FADS2: variants seen among roughly 807,000 people sequenced by gnomAD.
FADS2 encodes fatty acid desaturase 2, also known as acyl-CoA 6-desaturase.
FADS2 carries 18 observed loss-of-function variants against 61.2 expected under a neutral mutation model. The observed-to-expected ratio is 0.29, with a 90% CI of 0.20 to 0.44. The LOEUF (loss-of-function observed/expected upper bound fraction) is 0.44, where lower values mean the gene tolerates loss of function less well. Among genes scored for constraint, FADS2 ranks in the 20% least tolerant of loss-of-function variants. The pLI is 1.00. For synonymous variants in FADS2, 203 were observed against 223.9 expected (o/e 0.91, Z 0.83); for missense variants, 322 against 572.7 (o/e 0.56, Z 4.47).
chr11:61,866,543 G>T lies in FADS2; in HGVS notation c.*854G>T, dbSNP rs2067472591. 6.6e-6 allele frequency: 1 copy of T among 152,430 alleles called. No individual in the cohort carries two copies. Among genetic ancestry groups the T allele is most frequent in the African/African-American group, 2.4e-5 (1 of 41,482 alleles). 9.4% of individuals were successfully genotyped at this position (152,430 alleles called of 1,614,324 possible). On this transcript the variant is annotated 3_prime_UTR_variant, in exon 12 of 12. Transcript: ENST00000278840. ...CCAGCTTTTCCTCAGGGTGTCCTGA[G>T]GTCCAAGATTCTGGAGCAATCTGAC... is the stretch of plus-strand genomic sequence containing the variant.
rs537676548 is a variant in FADS2, at chr11:61,816,893, A to T, written c.141+467A>T. 1.0e-3 allele frequency: 1,496 copies of T among 1,435,088 alleles called. 9 individuals carry two copies. In the African/African-American group the frequency reaches 0.021, roughly 20 times the overall value. 88.9% of individuals were successfully genotyped at this position (1,435,088 alleles called of 1,614,324 possible). ...CTGCGCGCCGGGTTTTCAGCACCGC[A>T]GGGCAGACCGGCGGGCCTCGCAGCG... On this transcript the variant is annotated intron_variant, in intron 1 of 11. Transcript: ENST00000257261. This position sits in a 1 kb window ranked among gnomAD's most constrained non-coding sequence, Gnocchi z 7.0.
At chr11:61,837,505 A>G (rs1017612284) in intron 1 of FADS2, among the ~76,000 whole-genome samples, 1 of 152,220 alleles carries the variant, frequency 6.6e-6, no homozygotes, top group Admixed American at 6.5e-5. Context: ...CGACCTGCCC[A>G]AAGGCAGCCT....
chr11:61,828,139 G>A, upstream of FADS2: 2 of 1,386,848 alleles, frequency 1.4e-6, no homozygotes, highest in Non-Finnish European at 1.9e-6. The surrounding 1 kb of genome is among the most constrained non-coding windows in gnomAD (Gnocchi z 6.4). Flanking sequence ...GGAGGGCTGA[G>A]GGAGGGGCGG....
intron 7 of FADS2, chr11:61,862,657 G>C: frequency 2.8e-6 from 1 of 353,496 alleles, no homozygotes; most frequent in Non-Finnish European, 5.3e-6. Context: ...CTTCAGAATC[G>C]CCCTTGCCCC....
At position 61,864,005 on chromosome 11, in the gene FADS2, G is replaced by T. The variant is rs112547382; in HGVS notation, c.1157+219G>T. On this transcript the variant is annotated intron_variant, in intron 10 of 11. Transcript: ENST00000278840. ...GGTCATCCTGTGCCCCTCATGCTGT[G>T]CCACTTGGTCATAGTGGTTACCACC... 2.6e-5 allele frequency: 14 copies of T among 533,378 alleles called. No homozygotes were observed. In the South Asian group the frequency reaches 3.7e-4, roughly 14 times the overall value. The allele number at this position is 533,378 out of a possible 1,614,324, so 33.0% of individuals were successfully genotyped here.
chr11:61,865,988 A>G lies in FADS2; in HGVS notation c.*299A>G, dbSNP rs1591183743. On this transcript the variant is annotated 3_prime_UTR_variant, in exon 12 of 12. Coordinates refer to ENST00000278840, the MANE Select transcript of FADS2 (RefSeq NM_004265.4). The surrounding 1 kb of genome is among the most constrained non-coding windows in gnomAD (Gnocchi z 4.1). Reference sequence around the variant, plus strand: ...TGGCCACCGGGGGTGGCTCTGTCCTACCTCCACTCTCTGCCCCTAAAGATG... The same window carrying G: ...TGGCCACCGGGGGTGGCTCTGTCCTGCCTCCACTCTCTGCCCCTAAAGATG... The G allele has an allele frequency of 2.1e-6, 1 of 479,710 alleles. No homozygotes were observed. The highest frequency in any genetic ancestry group is 3.7e-6 in the Non-Finnish European group (1 of 269,848). The allele number at this position is 479,710 out of a possible 1,614,324, so 29.7% of individuals were successfully genotyped here. A position where few individuals can be genotyped will look rare whatever the true frequency, so the allele number is the denominator to read the frequency against.
At chr11:61,833,335 C>G (rs1257725252) in intron 1 of FADS2, among the ~76,000 whole-genome samples, 1 of 152,224 alleles carries the variant, frequency 6.6e-6, no homozygotes, top group African/African-American at 2.4e-5. Context: ...GCCTTGAATC[C>G]TGGTCTGCCT....
intron 7 of FADS2, among the ~76,000 whole-genome samples, chr11:61,861,408 T>C (rs895556374): frequency 7.0e-6 from 1 of 142,928 alleles, no homozygotes; most frequent in African/African-American, 2.6e-5. Context: ...GGTAGAAGTA[T>C]GGCTTGAGCC....
At chr11:61,831,394 G>A (rs1158547915) in intron 1 of FADS2, among the ~76,000 whole-genome samples, 1 of 152,146 alleles carries the variant, frequency 6.6e-6, no homozygotes, top group East Asian at 1.9e-4. Flanking sequence ...TCACAGTGCA[G>A]TCATTCCTAA....
intron 5 of FADS2, among the ~76,000 whole-genome samples, chr11:61,849,310 A>G (rs2067286891): frequency 6.6e-6 from 1 of 152,210 alleles, no homozygotes; most frequent in Non-Finnish European, 1.5e-5. Flanking sequence ...TCATTTTATT[A>G]CTACAAATAT....
chr11:61,828,879 C>T lies in FADS2; in HGVS notation c.207+282C>T, dbSNP rs1446315297. Among the ~76,000 whole-genome samples the T allele has an allele frequency of 3.3e-5, 5 of 152,220 alleles. No individual in the cohort carries two copies. The highest frequency in any genetic ancestry group is 1.9e-4 in the East Asian group (1 of 5,192). On this transcript the variant is annotated intron_variant, in intron 1 of 11. Transcript: ENST00000278840. This position sits in a 1 kb window ranked among gnomAD's most constrained non-coding sequence, Gnocchi z 6.4. ...CATCTACCGCGCGCGCCGGGACCCA[C>T]GCGTCCTCCCCTTCCTCGGGGTTTG...
intron 7 of FADS2, among the ~76,000 whole-genome samples, chr11:61,859,883 G>A (rs144106470): frequency 0.031 from 4,714 of 152,320 alleles, 253 homozygotes; most frequent in African/African-American, 0.11. Context: ...CTACTCAGGA[G>A]GCTGAGGCAG....
chr11:61,840,605 T>C lies in FADS2; in HGVS notation c.517-19T>C, dbSNP rs1200166552. On this transcript the variant is annotated intron_variant, in intron 3 of 11. Coordinates refer to ENST00000278840, the MANE Select transcript of FADS2 (RefSeq NM_004265.4). ...TGTTTGCTGAGGCTGTGACAGCACG[T>C]GTGACCCTCTCTCCCCAGGCCCAAG... 12 of 1,613,250 alleles carry C rather than the reference T, an allele frequency of 7.4e-6. No individual in the cohort carries two copies. The highest frequency in any genetic ancestry group is 9.3e-6 in the Non-Finnish European group (11 of 1,179,284).
intron 4 of FADS2, 50 bp downstream of exon 4, chr11:61,840,775 C>A: frequency 7.3e-7 from 1 of 1,367,996 alleles, no homozygotes; most frequent in Non-Finnish European, 1.0e-6. Context: ...GCAGTTGAGA[C>A]AGAGGGACCA....
At chr11:61,835,666 A>C (rs562834306) in intron 1 of FADS2, among the ~76,000 whole-genome samples, 67 of 151,888 alleles carry the variant, frequency 4.4e-4, no homozygotes, top group African/African-American at 1.6e-3. Flanking sequence ...CGGCCTCCCA[A>C]AGTGCTGGGA....
intron 7 of FADS2, among the ~76,000 whole-genome samples, chr11:61,860,184 C>T (rs1279734822): frequency 6.6e-6 from 1 of 152,226 alleles, no homozygotes; most frequent in Non-Finnish European, 1.5e-5. Context: ...GAGGGTGCTA[C>T]TGGCATCTGG....
At chr11:61,830,012 A>G (rs2067115736) in intron 1 of FADS2, among the ~76,000 whole-genome samples, 1 of 150,830 alleles carries the variant, frequency 6.6e-6, no homozygotes. Flanking sequence ...GCTTGTGGAC[A>G]TTGCTTAAGC....
Position 61,860,081 on chromosome 11 carries a change from G to A in FADS2, c.882+2551G>A, listed in dbSNP as rs141301382. On this transcript the variant is annotated intron_variant, in intron 7 of 11. Coordinates refer to ENST00000278840, the MANE Select transcript of FADS2 (RefSeq NM_004265.4). ...CCATGGGGCTTTCAGAGCCAGGAGCGCACCTATGACCTGGGGCACTGGTTC... is the reference window on the plus strand; with the variant it reads ...CCATGGGGCTTTCAGAGCCAGGAGCACACCTATGACCTGGGGCACTGGTTC... Among the ~76,000 whole-genome samples, 1,152 of 152,354 alleles carry A rather than the reference G, an allele frequency of 7.6e-3. 18 individuals are homozygous for A. The highest frequency in any genetic ancestry group is 0.027 in the African/African-American group (1,107 of 41,586).
chr11:61,824,459 G>GGAGAGAGA (rs1157000186), upstream of FADS2, among the ~76,000 whole-genome samples: 5 of 5,866 alleles, frequency 8.5e-4, no homozygotes, highest in African/African-American at 2.7e-3. Flanking sequence ...AGGGAGGGAG[G>GGAGAGAGA]GAGAGAGAGA....
Sources: allele counts gnomAD v4.1 joint callset (sites outside exome capture counted in the v4.1 genomes callset), GRCh38; gene constraint gnomAD v4.1.1; non-coding constraint Gnocchi (gnomAD v3.1); transcripts MANE v1.5; gene names NCBI Gene and HGNC (gene_info 2026-07-23, HGNC 2026-07-21).